Variants in APBB2 observed in about 807,000 individuals in gnomAD.
APBB2 encodes Fe65-like 1.
A neutral mutation model predicts 82.5 loss-of-function variants in APBB2; 38 were observed. That is an observed-to-expected ratio of 0.46 (90% CI 0.36 to 0.60). APBB2 has a LOEUF of 0.60. APBB2 is among the 20% of genes least tolerant of loss of function. The pLI, the probability that APBB2 is intolerant of heterozygous loss-of-function variation, is 0.00. For synonymous variants in APBB2, 341 were observed against 368.2 expected (o/e 0.93, Z 0.85); for missense variants, 772 against 972.3 (o/e 0.79, Z 2.74).
At chr4:40,951,125 G>A (rs1790021544) in intron 6 of APBB2, among the ~76,000 whole-genome samples, 1 of 152,218 alleles carries the variant, frequency 6.6e-6, no homozygotes, top group Non-Finnish European at 1.5e-5. Flanking sequence ...CTGGAGTGGG[G>A]GAGAGACAGT....
Position 41,163,257 on chromosome 4 carries a change from A to G in APBB2, c.-416-20115T>C, listed in dbSNP as rs527477702. Among the ~76,000 whole-genome samples, 5 of 152,316 alleles carry G rather than the reference A, an allele frequency of 3.3e-5. No homozygotes were observed. The East Asian group carries it at 5.8e-4, about 18-fold the overall frequency. On this transcript the variant is annotated intron_variant, in intron 1 of 17. Transcript: ENST00000508593. ...AAAGAGTATGGTAATGATAGACCAC[A>G]TATCTGCTGAGAGATTTGAGAATCA...
chr4:40,888,268 A>T lies in APBB2; in HGVS notation c.1529+2096T>A, dbSNP rs1426282435. Among the ~76,000 whole-genome samples the T allele has an allele frequency of 2.0e-5, 3 of 152,270 alleles. No individual in the cohort carries two copies. The East Asian group carries it at 5.8e-4, about 29-fold the overall frequency. ...AGATGAGAGAACTGAGGCTCAGAGA[A>T]CTTGAATAATTTTGTCAACTGGAGT... On this transcript the variant is annotated intron_variant, in intron 12 of 17. Coordinates refer to ENST00000508593, the MANE Select transcript of APBB2 (RefSeq NM_004307.2).
At chr4:41,021,535 ACACCAATCAGCACTCTGTAAAAACG>A (rs1447336257) in intron 5 of APBB2, among the ~76,000 whole-genome samples, 2 of 151,960 alleles carry the variant, frequency 1.3e-5, no homozygotes, top group Non-Finnish European at 2.9e-5. Context: ...GATTGTAAAC[ACACCAATCAGCACTCTGTAAAAACG>A]CACCAATCAG....
intron 10 of APBB2, among the ~76,000 whole-genome samples, chr4:40,916,932 C>T (rs534987848): frequency 1.1e-4 from 17 of 152,230 alleles, no homozygotes; most frequent in African/African-American, 3.6e-4. Flanking sequence ...GGGAGGACTT[C>T]GTATCATGCA....
At chr4:40,992,181 T>C (rs1802301522) in intron 6 of APBB2, among the ~76,000 whole-genome samples, 1 of 152,124 alleles carries the variant, frequency 6.6e-6, no homozygotes, top group Non-Finnish European at 1.5e-5. Context: ...TGTTTGTTGC[T>C]TGTTTTTAAG....
Position 41,014,175 on chromosome 4 carries a change from G to A in APBB2, c.243C>T (p.Leu81=), listed in dbSNP as rs752574051. The change falls in exon 6 of 18, where the codon CTC becomes CTT. Residue 81 remains leucine, a synonymous_variant. Transcript: ENST00000508593. ...ALTNIQAAMG[L]SDPAAQPLLG... is the part of the protein sequence containing the mutation. ...GCAGGGGCTGTGCAGCTGGATCCGA[G>A]AGGCCCATGGCCGCCTGGATGTTAG... The A allele has an allele frequency of 3.1e-6, 5 of 1,614,224 alleles. No individual in the cohort carries two copies. The East Asian group carries it at 1.1e-4, about 36-fold the overall frequency.
At chr4:41,024,650 G>A (rs566459470) in intron 5 of APBB2, among the ~76,000 whole-genome samples, 12 of 152,290 alleles carry the variant, frequency 7.9e-5, no homozygotes, top group African/African-American at 2.2e-4. Flanking sequence ...CTTCAACATA[G>A]GGAGAAGAAA....
chr4:41,121,893 TTGTG>T (rs375623687), intron 2 of APBB2, among the ~76,000 whole-genome samples: 31 of 150,392 alleles, frequency 2.1e-4, no homozygotes, highest in Middle Eastern at 3.4e-3. Context: ...CCTTTTTTGG[TTGTG>T]TGTGTGTGTG....
rs143878299 is a variant in APBB2 at position 40,826,830 on chromosome 4, A to C, written c.1732+302T>G. 25 of 273,898 alleles carry C rather than the reference A, an allele frequency of 9.1e-5. No homozygotes were observed. The highest frequency in any genetic ancestry group is 5.6e-4 in the African/African-American group (25 of 44,640). The allele number at this position is 273,898 out of a possible 1,614,324, so 17.0% of individuals were successfully genotyped here. A position where few individuals can be genotyped will look rare whatever the true frequency, so the allele number is the denominator to read the frequency against. ...AGGTTGTACATGAATTATAATATGA[A>C]GACAGTATTCTTAAAGAACATAAAA... On this transcript the variant is annotated intron_variant, in intron 14 of 17. Coordinates refer to ENST00000508593, the MANE Select transcript of APBB2 (RefSeq NM_004307.2). The surrounding 1 kb of genome is among the most constrained non-coding windows in gnomAD (Gnocchi z 4.5).
At chr4:41,049,608 C>T (rs1171618043) in intron 4 of APBB2, among the ~76,000 whole-genome samples, 4 of 152,212 alleles carry the variant, frequency 2.6e-5, no homozygotes, top group East Asian at 3.9e-4. Context: ...CCCCTCTGCC[C>T]GGCCACCACC....
chr4:41,047,765 G>A (rs1442027927), intron 4 of APBB2, among the ~76,000 whole-genome samples: 1 of 152,166 alleles, frequency 6.6e-6, no homozygotes, highest in Non-Finnish European at 1.5e-5. Context: ...TGGTAACATG[G>A]CGACTCCAAA....
chr4:41,202,979 T>C (rs959356871), intron 1 of APBB2, among the ~76,000 whole-genome samples: 4 of 152,282 alleles, frequency 2.6e-5, no homozygotes, highest in African/African-American at 9.6e-5. Flanking sequence ...ATTTCTCTCA[T>C]GGGAGAACAG....
rs1465088211 is a variant in APBB2, at chr4:41,124,559, T to TA, written c.-261+18427dup. On this transcript the variant is annotated intron_variant, in intron 2 of 17. Transcript: ENST00000508593. Reference sequence around the variant, plus strand: ...AACCATTCTAGGCTCATGGGCCATATAAAAAAAACAGGTGGCAAGCTGGAT... The same window carrying TA: ...AACCATTCTAGGCTCATGGGCCATATAAAAAAAAACAGGTGGCAAGCTGGAT... Among the ~76,000 whole-genome samples, 5 of 152,038 alleles carry TA rather than the reference T, an allele frequency of 3.3e-5. No individual in the cohort carries two copies. The East Asian group carries it at 5.8e-4, about 18-fold the overall frequency.
chr4:40,877,479 G>A (rs1228170160), intron 12 of APBB2, among the ~76,000 whole-genome samples: 1 of 152,144 alleles, frequency 6.6e-6, no homozygotes, highest in Non-Finnish European at 1.5e-5. Context: ...ATGTAGGGGT[G>A]GGGTGCTGAG....
At chr4:40,906,464 C>CAAAAAA (rs5857755) in intron 10 of APBB2, among the ~76,000 whole-genome samples, 38 of 67,950 alleles carry the variant, frequency 5.6e-4, no homozygotes, top group African/African-American at 2.0e-3. Context: ...AAACCTGTCT[C>CAAAAAA]AAAAAAAAAA....
rs1358582559 is a variant in APBB2 at position 41,127,521 on chromosome 4, G to A, written c.-261+15466C>T. On this transcript the variant is annotated intron_variant, in intron 2 of 17. Transcript: ENST00000508593. This position sits in a 1 kb window ranked among gnomAD's most constrained non-coding sequence, Gnocchi z 4.8. ...TGCTTCCAACATCAAACTGGGTTCA[G>A]CAAATGATAACACTATCGGAGATTA... Among the ~76,000 whole-genome samples, 1 of 152,158 alleles carries A rather than the reference G, an allele frequency of 6.6e-6. No homozygotes were observed. Among genetic ancestry groups the A allele is most frequent in the East Asian group, 1.9e-4 (1 of 5,202 alleles).
At chr4:41,144,956 C>T (rs1412378133) in intron 1 of APBB2, among the ~76,000 whole-genome samples, 4 of 152,094 alleles carry the variant, frequency 2.6e-5, no homozygotes, top group African/African-American at 7.2e-5. Flanking sequence ...CTTGTCTCTA[C>T]AAAAATTTAA....
chr4:40,985,088 T>A (rs111835101), intron 6 of APBB2, among the ~76,000 whole-genome samples: 13,565 of 152,096 alleles, frequency 0.089, 757 homozygotes, highest in Admixed American at 0.15. Context: ...CAGCTAATTT[T>A]TTTTTTTGTA....
In APBB2 at chr4:40,970,850, A is replaced by G. The variant is rs773309409; in HGVS notation, c.836-25777T>C. Among the ~76,000 whole-genome samples, 71 of 152,064 alleles carry G rather than the reference A, an allele frequency of 4.7e-4. 1 individual carries two copies. Among genetic ancestry groups the G allele is most frequent in the Non-Finnish European group, 7.8e-4 (53 of 68,008 alleles). On this transcript the variant is annotated intron_variant, in intron 6 of 17. Coordinates refer to ENST00000508593, the MANE Select transcript of APBB2 (RefSeq NM_004307.2). The stretch of plus-strand genomic sequence containing the variant: ...ACCCCTCAGTCCCAGGCAAACCATC[A>G]CCTTAAGTCCAGCAAAACCAAAGAC...
Sources: gnomAD v4.1 joint callset for allele counts (sites outside exome capture counted in the v4.1 genomes callset) on GRCh38, gnomAD v4.1.1 for gene constraint, Gnocchi (gnomAD v3.1) non-coding constraint, MANE v1.5 for transcripts, NCBI Gene and HGNC (gene_info 2026-07-23, HGNC 2026-07-21) for gene names.